The following CDKL2 variants were observed in gnomAD, a reference collection of about 807,000 sequenced individuals.
The protein encoded by CDKL2 is cyclin dependent kinase like 2.
CDKL2 carries 64 observed loss-of-function variants against 63.9 expected under a neutral mutation model. That is an observed-to-expected ratio of 1.00 (90% confidence interval 0.82 to 1.23). The LOEUF is 1.23. CDKL2 is among the 50% of genes most tolerant of loss of function. The pLI, the probability that CDKL2 is intolerant of heterozygous loss-of-function variation, is 0.00. For missense variants in CDKL2, 656 were observed against 668.0 expected, an observed-to-expected ratio of 0.98 and a Z score of 0.20; for synonymous variants, 211 against 229.2, an observed-to-expected ratio of 0.92 and a Z score of 0.72.
At chr4:75,594,521 C>A (rs934222636) in intron 10 of CDKL2, among the ~76,000 whole-genome samples, 2 of 151,888 alleles carry the variant, frequency 1.3e-5, no homozygotes, top group African/African-American at 4.8e-5. Context: ...AAGCACAAAT[C>A]TCTGCCTTGG....
At chr4:75,599,940 G>C (rs1729109950) in intron 7 of CDKL2, among the ~76,000 whole-genome samples, 1 of 152,156 alleles carries the variant, frequency 6.6e-6, no homozygotes, top group Non-Finnish European at 1.5e-5. Context: ...AGCAATAGGA[G>C]ATGGCACTTT....
rs1187183899 is a variant in CDKL2, at chr4:75,630,384, C to T, written c.-372G>A. The T allele has an allele frequency of 1.3e-5, 2 of 152,836 alleles. No individual in the cohort carries two copies. Among genetic ancestry groups the T allele is most frequent in the Non-Finnish European group, 1.5e-5 (1 of 68,256 alleles). 9.5% of individuals were successfully genotyped at this position (152,836 alleles called of 1,614,324 possible). A position where few individuals can be genotyped will look rare whatever the true frequency, so the allele number is the denominator to read the frequency against. On this transcript the variant is annotated 5_prime_UTR_variant, in exon 1 of 14. The change creates a new upstream start codon in the 5' untranslated region. Coordinates refer to ENST00000307465, the MANE Select transcript of CDKL2 (RefSeq NM_001330724.2). ...AATGCGTTCACGGCAGGCACCAACACCTGTGAAGGCCAAGGGCTAGAGAGC... is the reference window on the plus strand; with the variant it reads ...AATGCGTTCACGGCAGGCACCAACATCTGTGAAGGCCAAGGGCTAGAGAGC...
At chr4:75,596,024 GGAAGGAAGAAAGGAAGGAA>G in intron 10 of CDKL2, 2 of 49,398 alleles carry the variant, frequency 4.0e-5, no homozygotes, top group East Asian at 3.8e-4. Flanking sequence ...AAGGAAGGAA[GGAAGGAAGAAAGGAAGGAA>G]GGAGTTTTTA....
Position 75,625,841 on chromosome 4 carries a change from G to T in CDKL2, c.148C>A (p.Arg50=). 6.2e-7 allele frequency: 1 copy of T among 1,610,548 alleles called. No homozygotes were observed. Among genetic ancestry groups the T allele is most frequent in the Non-Finnish European group, 8.5e-7 (1 of 1,178,974 alleles). The part of the protein sequence containing the change: ...DDKMVKKIAM[R]EIKLLKQLRH... ...CTCACCTTTAGTAACTTGATTTCTC[G>T]CATTGCAATCTTTTTAACCATTTTG... The change falls in exon 2 of 14, where the codon CGA becomes AGA. Residue 50 remains arginine, a synonymous_variant. Coordinates refer to ENST00000307465, the MANE Select transcript of CDKL2 (RefSeq NM_001330724.2).
intron 6 of CDKL2, among the ~76,000 whole-genome samples, chr4:75,603,076 T>C (rs1337891188): frequency 7.1e-6 from 1 of 141,552 alleles, no homozygotes; most frequent in East Asian, 2.2e-4. Flanking sequence ...CTCGGCTCAC[T>C]GCAAGCTCCG....
intron 1 of CDKL2, among the ~76,000 whole-genome samples, chr4:75,626,476 CTA>C (rs1370465879): frequency 1.3e-5 from 2 of 152,076 alleles, no homozygotes; most frequent in Non-Finnish European, 2.9e-5. Context: ...ACCATCCTGG[CTA>C]ACACGGTGAA....
intron 6 of CDKL2, 31 bp downstream of exon 6, chr4:75,603,786 G>T: frequency 4.9e-6 from 7 of 1,414,518 alleles, no homozygotes; most frequent in Non-Finnish European, 6.7e-6. Context: ...TAAATTCCCT[G>T]TCATAAAGTG....
At chr4:75,599,888 G>A (rs1292420422) in intron 7 of CDKL2, among the ~76,000 whole-genome samples, 1 of 152,196 alleles carries the variant, frequency 6.6e-6, no homozygotes, top group Non-Finnish European at 1.5e-5. Context: ...CACATCAGCA[G>A]TGTCAGCAGT....
chr4:75,580,897 T>G (rs182879441), intron 13 of CDKL2, among the ~76,000 whole-genome samples: 2,234 of 151,524 alleles, frequency 0.015, 51 homozygotes, highest in African/African-American at 0.052. Flanking sequence ...AGACGGGGTT[T>G]CACCGTGTTA....
intron 3 of CDKL2, among the ~76,000 whole-genome samples, chr4:75,608,250 G>A (rs1330500835): frequency 6.9e-6 from 1 of 145,074 alleles, no homozygotes; most frequent in East Asian, 2.2e-4. Flanking sequence ...TCAGCCTCCC[G>A]AGTAGCTGAG....
chr4:75,629,963 AAAAAAAAAAAAAAAAG>A (rs1730605471), intron 1 of CDKL2, 63 bp downstream of exon 1: 10 of 131,520 alleles, frequency 7.6e-5, no homozygotes, highest in African/African-American at 2.5e-4. Context: ...AAAAAAAAAA[AAAAAAAAAAAAAAAAG>A]ATTGAAATCT....
At chr4:75,610,151 C>T (rs1378860932) in intron 3 of CDKL2, among the ~76,000 whole-genome samples, 1 of 150,472 alleles carries the variant, frequency 6.6e-6, no homozygotes, top group Non-Finnish European at 1.5e-5. Flanking sequence ...TGCAGTGAGC[C>T]GAAATCGAGC....
chr4:75,594,278 C>T (rs529008224), intron 10 of CDKL2, among the ~76,000 whole-genome samples: 64 of 151,780 alleles, frequency 4.2e-4, no homozygotes, highest in Non-Finnish European at 7.2e-4. Context: ...AGAAACCCCG[C>T]CTCTACTAAA....
chr4:75,577,525 T>C lies in CDKL2; in HGVS notation c.*1677A>G, dbSNP rs868020153. Among the ~76,000 whole-genome samples the C allele has an allele frequency of 9.8e-5, 15 of 152,288 alleles. No individual in the cohort carries two copies. The highest frequency in any genetic ancestry group is 3.6e-4 in the African/African-American group (15 of 41,568). ...GCAATTGATCCTAGAACCTCAACCA[T>C]TGAGCTGATATTCTCACACTGATCT... is the stretch of plus-strand genomic sequence containing the variant. On this transcript the variant is annotated 3_prime_UTR_variant, in exon 14 of 14. Coordinates refer to ENST00000307465, the MANE Select transcript of CDKL2 (RefSeq NM_001330724.2).
At position 75,591,836 on chromosome 4, in the gene CDKL2, T is replaced by TG. The variant is rs1180127875; in HGVS notation, c.1629dup (p.Ser544GlnfsTer15). 6.5e-7 allele frequency: 1 copy of TG among 1,535,184 alleles called. No individual in the cohort carries two copies. Among genetic ancestry groups the TG allele is most frequent in the Non-Finnish European group, 8.7e-7 (1 of 1,146,152 alleles). On this transcript the variant is annotated frameshift_variant, in exon 12 of 14. Transcript: ENST00000307465. LOFTEE classifies it high-confidence loss of function. Reference sequence around the variant, plus strand: ...TTCTGTACCTGATGTAATGTAATACTGGGGGTGTGCAGGTCAATAGCAGCC... The same window carrying TG: ...TTCTGTACCTGATGTAATGTAATACTGGGGGGTGTGCAGGTCAATAGCAGCC...
At chr4:75,598,261 C>CA (rs748696674) in intron 7 of CDKL2, 49 bp from the exon 8 acceptor site, 2 of 1,051,654 alleles carry the variant, frequency 1.9e-6, no homozygotes, top group Non-Finnish European at 2.7e-6. Context: ...GATAAACCTA[C>CA]AAAAAAATTG....
intron 10 of CDKL2, chr4:75,595,976 AGAAGGAAG>A (rs554405215): frequency 0.15 from 22,949 of 154,756 alleles, 1,042 homozygotes; most frequent in East Asian, 0.22. Flanking sequence ...AAGGAAGGAA[AGAAGGAAG>A]GAAGGAAGGA....
intron 12 of CDKL2, among the ~76,000 whole-genome samples, chr4:75,591,139 G>C (rs2148867369): frequency 6.6e-6 from 1 of 152,240 alleles, no homozygotes; most frequent in East Asian, 1.9e-4. Flanking sequence ...ATCTATTCTG[G>C]AAGAATAAAA....
chr4:75,626,003 C>G lies in CDKL2; in HGVS notation c.-15G>C. Reference sequence around the variant, plus strand: ...TATTTTTCCATTTTAATTTAAAGTCCGTAGAAACTTTTTGCTGTGAAAACC... The same window carrying G: ...TATTTTTCCATTTTAATTTAAAGTCGGTAGAAACTTTTTGCTGTGAAAACC... On this transcript the variant is annotated 5_prime_UTR_variant, in exon 2 of 14. Transcript: ENST00000307465. 6.2e-7 allele frequency: 1 copy of G among 1,602,046 alleles called. No individual in the cohort carries two copies. The highest frequency in any genetic ancestry group is 8.5e-7 in the Non-Finnish European group (1 of 1,177,288).
Sources: gnomAD v4.1 joint callset for allele counts (sites outside exome capture counted in the v4.1 genomes callset) on GRCh38, gnomAD v4.1.1 for gene constraint, MANE v1.5 for transcripts, NCBI Gene and HGNC (gene_info 2026-07-23, HGNC 2026-07-21) for gene names.